The following PRKG1 variants were observed in gnomAD, a reference collection of about 807,000 sequenced individuals.
PRKG1 encodes the protein cGMP-dependent protein kinase 1.
Under a neutral mutation model 88.1 loss-of-function variants are expected in PRKG1, and 35 were observed. The observed-to-expected ratio is 0.40, with a 90% CI of 0.30 to 0.53. The LOEUF is 0.53. Ranked by LOEUF, PRKG1 falls within the 20% of genes least tolerant of loss-of-function variation. The probability of loss-of-function intolerance (pLI) is 0.59; values close to 1 mark genes in which losing one functional copy is unlikely to be tolerated. For synonymous variants in PRKG1, 303 were observed against 292.5 expected (o/e 1.04, Z -0.37); for missense variants, 540 against 839.8 (o/e 0.64, Z 4.41).
At chr10:51,564,356 T>A (rs1287492094) in intron 3 of PRKG1, among the ~76,000 whole-genome samples, 4 of 152,008 alleles carry the variant, frequency 2.6e-5, no homozygotes, top group Non-Finnish European at 5.9e-5. Flanking sequence ...TAGAGAGAAA[T>A]AAAAAGGCCT....
intron 8 of PRKG1, among the ~76,000 whole-genome samples, chr10:52,146,261 A>C (rs1195595239): frequency 6.6e-6 from 1 of 152,210 alleles, no homozygotes; most frequent in Non-Finnish European, 1.5e-5. Flanking sequence ...AAGCATAGAG[A>C]CATATAAATA....
Position 51,267,497 on chromosome 10 carries a change from C to T in PRKG1, c.478+114167C>T, listed in dbSNP as rs374270017. On this transcript the variant is annotated intron_variant, in intron 2 of 17. Transcript: ENST00000373980. ...TCTGAATCTTTCTGCTCTTCTTTGA[C>T]GGTTTATTTCTATCAGATAATTTCA... Among the ~76,000 whole-genome samples the T allele has an allele frequency of 1.4e-4, 21 of 152,208 alleles. No individual in the cohort carries two copies. The South Asian group carries it at 1.7e-3, about 12-fold the overall frequency.
intron 3 of PRKG1, among the ~76,000 whole-genome samples, chr10:51,758,850 C>T (rs1265602581): frequency 2.0e-5 from 3 of 146,752 alleles, no homozygotes; most frequent in African/African-American, 5.0e-5. Flanking sequence ...TCCTCTTCCC[C>T]CCCACCCCCC....
intron 3 of PRKG1, among the ~76,000 whole-genome samples, chr10:51,701,343 T>G (rs1841460192): frequency 6.6e-6 from 1 of 152,218 alleles, no homozygotes; most frequent in Non-Finnish European, 1.5e-5. Context: ...TTCCAATGAA[T>G]AGATTTGACA....
intron 2 of PRKG1, among the ~76,000 whole-genome samples, chr10:51,184,115 C>T (rs1236656139): frequency 1.3e-5 from 2 of 152,200 alleles, no homozygotes; most frequent in Non-Finnish European, 2.9e-5. Context: ...ACCTCAGTCT[C>T]CTCTCTGATA....
At chr10:51,561,218 G>A (rs1837452217) in intron 3 of PRKG1, among the ~76,000 whole-genome samples, 1 of 152,038 alleles carries the variant, frequency 6.6e-6, no homozygotes, top group African/African-American at 2.4e-5. Context: ...GCTGGAGGGA[G>A]CAGAGGGAAG....
At chr10:51,016,669 C>CTTTTTTTTTTTTTTTTTTTTTTTTT (rs1323068893) in intron 1 of PRKG1, among the ~76,000 whole-genome samples, 4 of 22,766 alleles carry the variant, frequency 1.8e-4, no homozygotes, top group South Asian at 1.4e-3. Flanking sequence ...TATTATTATC[C>CTTTTTTTTTTTTTTTTTTTTTTTTT]TTTCTTTTTT....
Position 52,038,113 on chromosome 10 carries a change from G to A in PRKG1, c.763-16371G>A, listed in dbSNP as rs549169922. Among the ~76,000 whole-genome samples the A allele has an allele frequency of 3.3e-5, 5 of 152,252 alleles. No homozygotes were observed. The South Asian group carries it at 1.0e-3, about 32-fold the overall frequency. ...GGAACTACTGTCGAGTTTGTATTGGGGTCAAGCAGCATTGCAGAAGAAAAT... is the reference window on the plus strand; with the variant it reads ...GGAACTACTGTCGAGTTTGTATTGGAGTCAAGCAGCATTGCAGAAGAAAAT... On this transcript the variant is annotated intron_variant, in intron 5 of 17. Coordinates refer to ENST00000373980, the MANE Select transcript of PRKG1 (RefSeq NM_006258.4).
At position 51,434,125 on chromosome 10, in the gene PRKG1, G is replaced by T. The variant is rs574197840; in HGVS notation, c.479-33598G>T. Reference sequence around the variant, plus strand: ...AGGTGTACCTCTTTAAACAATGCTAGCAAGTTTTGCAGCTGGTGCCTGGCT... The same window carrying T: ...AGGTGTACCTCTTTAAACAATGCTATCAAGTTTTGCAGCTGGTGCCTGGCT... On this transcript the variant is annotated intron_variant, in intron 2 of 17. Transcript: ENST00000373980. 1.1e-4 allele frequency among the ~76,000 whole-genome samples: 16 copies of T among 152,212 alleles called. 1 individual carries two copies. The South Asian group carries it at 3.1e-3, about 30-fold the overall frequency.
At chr10:51,397,451 G>A (rs552183175) in intron 2 of PRKG1, among the ~76,000 whole-genome samples, 68 of 152,152 alleles carry the variant, frequency 4.5e-4, no homozygotes, top group African/African-American at 1.6e-3. Context: ...TGGCTGCTGC[G>A]TCTCGAGGGC....
chr10:51,656,035 A>G (rs1017071646), intron 3 of PRKG1, among the ~76,000 whole-genome samples: 6 of 152,160 alleles, frequency 3.9e-5, no homozygotes, highest in African/African-American at 9.6e-5. Flanking sequence ...CTTGAATAGA[A>G]CAGAATGTAA....
At chr10:52,200,689 T>C (rs550679642) in intron 9 of PRKG1, among the ~76,000 whole-genome samples, 1 of 152,336 alleles carries the variant, frequency 6.6e-6, no homozygotes, top group East Asian at 1.9e-4. Flanking sequence ...CGTGTAAGTG[T>C]TCCCTTTTCA....
At position 52,170,247 on chromosome 10, in the gene PRKG1, T is replaced by A. The variant is rs146434467; in HGVS notation, c.1076+8284T>A. ...AGGCCCAAATTTGCCAAAAACTTAA[T>A]AAAAACCCACCTTGTAATGACCATC... On this transcript the variant is annotated intron_variant, in intron 9 of 17. Coordinates refer to ENST00000373980, the MANE Select transcript of PRKG1 (RefSeq NM_006258.4). Among the ~76,000 whole-genome samples the A allele has an allele frequency of 7.6e-3, 1,160 of 152,264 alleles. 16 individuals are homozygous for A. The highest frequency in any genetic ancestry group is 0.027 in the African/African-American group (1,108 of 41,548).
chr10:52,025,946 C>CA (rs1298795276), intron 5 of PRKG1, among the ~76,000 whole-genome samples: 3 of 151,668 alleles, frequency 2.0e-5, no homozygotes, highest in Non-Finnish European at 2.9e-5. Context: ...GCCAAAACAG[C>CA]ATGATACTGG....
chr10:51,902,241 C>CA (rs1336562053), intron 4 of PRKG1, among the ~76,000 whole-genome samples: 1 of 152,146 alleles, frequency 6.6e-6, no homozygotes, highest in Non-Finnish European at 1.5e-5. Context: ...CTCAGCTTCC[C>CA]AAACACCTGG....
intron 1 of PRKG1, among the ~76,000 whole-genome samples, chr10:51,045,072 A>T (rs1439911408): frequency 6.6e-6 from 1 of 152,138 alleles, no homozygotes; most frequent in East Asian, 1.9e-4. Context: ...TCTTGGAAGA[A>T]AATTGTCTCT....
At chr10:51,754,853 A>T (rs1035368849) in intron 3 of PRKG1, among the ~76,000 whole-genome samples, 1 of 152,080 alleles carries the variant, frequency 6.6e-6, no homozygotes, top group Non-Finnish European at 1.5e-5. Flanking sequence ...TCTACCCAGA[A>T]ATTTTATTTC....
At chr10:51,226,751 G>A (rs959159333) in intron 2 of PRKG1, among the ~76,000 whole-genome samples, 1 of 152,168 alleles carries the variant, frequency 6.6e-6, no homozygotes, top group African/African-American at 2.4e-5. Context: ...TCAAATTATG[G>A]ATGTGGAGGA....
chr10:51,437,045 T>C (rs1442129058), intron 2 of PRKG1, among the ~76,000 whole-genome samples: 1 of 151,976 alleles, frequency 6.6e-6, no homozygotes, highest in African/African-American at 2.4e-5. Flanking sequence ...GGTTTGTTAG[T>C]CACATTCTAT....
Sources: gnomAD v4.1 joint callset for allele counts (sites outside exome capture counted in the v4.1 genomes callset) on GRCh38, gnomAD v4.1.1 for gene constraint, MANE v1.5 for transcripts, NCBI Gene and HGNC (gene_info 2026-07-23, HGNC 2026-07-21) for gene names.